Variants in CMTM8 observed in about 807,000 individuals in gnomAD.
The protein encoded by CMTM8 is CKLF-like MARVEL transmembrane domain-containing protein 8.
Under a neutral mutation model 18.6 loss-of-function variants are expected in CMTM8, and 12 were observed. The observed-to-expected ratio is 0.65, with a 90% CI of 0.41 to 1.05. The LOEUF is 1.05. Ranked by LOEUF, CMTM8 falls within the 50% of genes least tolerant of loss-of-function variation. The pLI, the probability that CMTM8 is intolerant of heterozygous loss-of-function variation, is 0.00. For synonymous variants in CMTM8, 87 were observed against 90.6 expected, an observed-to-expected ratio of 0.96 and a Z score of 0.23; for missense variants, 217 against 227.2, an observed-to-expected ratio of 0.95 and a Z score of 0.29.
intron 1 of CMTM8, among the ~76,000 whole-genome samples, chr3:32,269,567 T>C (rs1702403870): frequency 6.6e-6 from 1 of 152,036 alleles, no homozygotes; most frequent in South Asian, 2.1e-4. Flanking sequence ...GTTTAGCGGC[T>C]AGCCTGTGGA....
At chr3:32,349,907 C>T (rs1212872068) in intron 1 of CMTM8, among the ~76,000 whole-genome samples, 1 of 152,110 alleles carries the variant, frequency 6.6e-6, no homozygotes, top group Non-Finnish European at 1.5e-5. Flanking sequence ...ACTCAGGAGG[C>T]TGAGGCAGGA....
intron 1 of CMTM8, among the ~76,000 whole-genome samples, chr3:32,246,087 A>C (rs148692536): frequency 1.3e-5 from 2 of 152,206 alleles, no homozygotes; most frequent in Admixed American, 1.3e-4. Context: ...CAGTTGTTCC[A>C]GAATTTAAGT....
At chr3:32,295,475 A>C (rs1245234785) in intron 1 of CMTM8, among the ~76,000 whole-genome samples, 3 of 99,084 alleles carry the variant, frequency 3.0e-5, no homozygotes, top group South Asian at 6.7e-4. Context: ...AAAAAAAAAA[A>C]AAACAAAACA....
intron 1 of CMTM8, among the ~76,000 whole-genome samples, chr3:32,266,506 G>C (rs1702348498): frequency 1.3e-5 from 2 of 152,154 alleles, no homozygotes; most frequent in Non-Finnish European, 2.9e-5. Context: ...CATACTGCAT[G>C]GGCAAAAACT....
chr3:32,315,221 C>G (rs1408331090), intron 1 of CMTM8, among the ~76,000 whole-genome samples: 3 of 151,880 alleles, frequency 2.0e-5, no homozygotes, highest in African/African-American at 7.3e-5. Context: ...CCTCTGCCTC[C>G]CAGGTTCAAG....
chr3:32,363,982 A>G (rs1198581204), intron 2 of CMTM8, among the ~76,000 whole-genome samples: 4 of 152,214 alleles, frequency 2.6e-5, no homozygotes, highest in Middle Eastern at 3.2e-3. Context: ...TCTTCTGTCA[A>G]GCATGAGTGT....
intron 1 of CMTM8, among the ~76,000 whole-genome samples, chr3:32,342,972 G>A (rs1002024680): frequency 2.6e-5 from 4 of 152,178 alleles, no homozygotes; most frequent in African/African-American, 7.2e-5. Context: ...TGGAATTCAG[G>A]TAGACTGACT....
chr3:32,360,016 A>G (rs1189197158), intron 2 of CMTM8, among the ~76,000 whole-genome samples: 2 of 152,192 alleles, frequency 1.3e-5, no homozygotes, highest in African/African-American at 4.8e-5. Flanking sequence ...ACCAGACACC[A>G]GGAAACCAGG....
At chr3:32,325,155 T>C (rs1449442698) in intron 1 of CMTM8, among the ~76,000 whole-genome samples, 5 of 152,240 alleles carry the variant, frequency 3.3e-5, no homozygotes, top group African/African-American at 1.2e-4. Context: ...TATTCTGCCA[T>C]CCTTCAGTGA....
At chr3:32,259,922 G>A in intron 1 of CMTM8, 2 of 1,102,932 alleles carry the variant, frequency 1.8e-6, no homozygotes, top group East Asian at 2.5e-5. Flanking sequence ...GGAGGTGGAG[G>A]CCCGCTACAC....
chr3:32,318,842 C>T (rs1041482568), intron 1 of CMTM8, among the ~76,000 whole-genome samples: 11 of 151,460 alleles, frequency 7.3e-5, no homozygotes, highest in Admixed American at 3.3e-4. Context: ...GCTGGGATTA[C>T]AGGCATGAGC....
intron 2 of CMTM8, among the ~76,000 whole-genome samples, chr3:32,359,508 C>T (rs4955282): frequency 0.43 from 65,452 of 151,874 alleles, 14,634 homozygotes; most frequent in Middle Eastern, 0.62. Flanking sequence ...GAGAATCGCT[C>T]GAACCCAGGA....
chr3:32,286,890 C>T (rs1348477446), intron 1 of CMTM8, among the ~76,000 whole-genome samples: 1 of 152,208 alleles, frequency 6.6e-6, no homozygotes, highest in Non-Finnish European at 1.5e-5. Context: ...CTTGCTGTAG[C>T]GTGTTGTCCA....
At chr3:32,274,616 G>A (rs1475709808) in intron 1 of CMTM8, among the ~76,000 whole-genome samples, 2 of 152,108 alleles carry the variant, frequency 1.3e-5, no homozygotes, top group African/African-American at 2.4e-5. Flanking sequence ...ATCTCTAAAG[G>A]ACAAAAGTAT....
chr3:32,282,699 G>A (rs556549383), intron 1 of CMTM8, among the ~76,000 whole-genome samples: 43 of 152,204 alleles, frequency 2.8e-4, no homozygotes, highest in African/African-American at 9.4e-4. Flanking sequence ...ATTGCATTTG[G>A]AGTGAGAGAG....
chr3:32,293,235 T>A (rs1702814770), intron 1 of CMTM8, among the ~76,000 whole-genome samples: 1 of 152,102 alleles, frequency 6.6e-6, no homozygotes, highest in African/African-American at 2.4e-5. Context: ...AATTGGGTAC[T>A]TGTTTCCAAT....
chr3:32,271,734 A>G (rs573236194), intron 1 of CMTM8, among the ~76,000 whole-genome samples: 10 of 152,306 alleles, frequency 6.6e-5, no homozygotes, highest in South Asian at 4.2e-4. Flanking sequence ...TTTGGAAGCT[A>G]TGCTGTATTC....
At chr3:32,280,151 C>T (rs1702584417) in intron 1 of CMTM8, among the ~76,000 whole-genome samples, 1 of 152,076 alleles carries the variant, frequency 6.6e-6, no homozygotes, top group Non-Finnish European at 1.5e-5. Context: ...GTCACATGGC[C>T]ATTCTCAGTC....
chr3:32,272,704 G>T (rs1361454376), intron 1 of CMTM8, among the ~76,000 whole-genome samples: 1 of 152,130 alleles, frequency 6.6e-6, no homozygotes, highest in African/African-American at 2.4e-5. Context: ...AATATGTGGG[G>T]CTATAAATTG....
Sources: allele counts gnomAD v4.1 joint callset (sites outside exome capture counted in the v4.1 genomes callset), GRCh38; gene constraint gnomAD v4.1.1; transcripts MANE v1.5; gene names NCBI Gene and HGNC (gene_info 2026-07-23, HGNC 2026-07-21).